Variants in EMSY observed in about 807,000 individuals in gnomAD.
EMSY encodes the protein EMSY transcriptional repressor, BRCA2 interacting.
EMSY carries 26 observed loss-of-function variants against 134.6 expected under a neutral mutation model. The ratio of observed to expected loss-of-function variants is 0.19; its 90% CI spans 0.14 to 0.27. EMSY has a LOEUF of 0.27. Among genes scored for constraint, EMSY ranks in the 10% least tolerant of loss-of-function variants. The pLI, the probability that EMSY is intolerant of heterozygous loss-of-function variation, is 1.00. For synonymous variants in EMSY, 579 were observed against 577.8 expected (o/e 1.00, Z -0.03); for missense variants, 1,305 against 1,611.4 (o/e 0.81, Z 3.26).
chr11:76,473,737 C>T (rs1590830949), intron 8 of EMSY, among the ~76,000 whole-genome samples: 1 of 152,204 alleles, frequency 6.6e-6, no homozygotes, highest in East Asian at 1.9e-4. Context: ...CGCCTGTAAT[C>T]CCAGCACTTT....
At chr11:76,469,313 G>A (rs1283676096) in intron 7 of EMSY, among the ~76,000 whole-genome samples, 1 of 152,164 alleles carries the variant, frequency 6.6e-6, no homozygotes, top group Admixed American at 6.5e-5. Context: ...GGGCCTCAAA[G>A]TCCTTATAAG....
At chr11:76,550,601 A>G (rs1054952339) in exon 21 of EMSY, 3 of 152,660 alleles carry the variant, frequency 2.0e-5, no homozygotes, top group African/African-American at 7.2e-5. Context: ...GGAAGTGTTG[A>G]ATTGGTTAAA....
In EMSY at chr11:76,520,396, G is replaced by T. The variant is rs867582452; in HGVS notation, c.1685-2759G>T. Among the ~76,000 whole-genome samples, 11 of 152,070 alleles carry T rather than the reference G, an allele frequency of 7.2e-5. No individual in the cohort carries two copies. In the Middle Eastern group the frequency reaches 0.01, roughly 141 times the overall value. On this transcript the variant is annotated intron_variant, in intron 11 of 20. Transcript: ENST00000334736. ...TGTCAAAAAGTGGTCCTTGTACTTT[G>T]GTATAAAGTCAAAAGCATAGTAAAT...
intron 11 of EMSY, among the ~76,000 whole-genome samples, chr11:76,518,703 A>ATATATATTTTTT (rs57143914): frequency 4.0e-4 from 52 of 130,200 alleles, no homozygotes; most frequent in African/African-American, 1.1e-3. Context: ...ATATATATAT[A>ATATATATTTTTT]TTTTTTTTTT....
intron 3 of EMSY, among the ~76,000 whole-genome samples, 160 bp from the exon 4 acceptor site, chr11:76,453,154 A>G (rs1947734594): frequency 6.6e-6 from 1 of 152,228 alleles, no homozygotes; most frequent in Non-Finnish European, 1.5e-5. Context: ...CTAAGATGTT[A>G]AAGCATTTGA....
intron 18 of EMSY, among the ~76,000 whole-genome samples, chr11:76,543,662 G>A (rs1410926839): frequency 6.6e-6 from 1 of 152,218 alleles, no homozygotes; most frequent in Non-Finnish European, 1.5e-5. Flanking sequence ...CGTCCTGGGA[G>A]CCAGGGCTCT....
At chr11:76,536,135 ATTAT>A in intron 15 of EMSY, 76 bp downstream of exon 16, 1 of 897,390 alleles carries the variant, frequency 1.1e-6, no homozygotes. Flanking sequence ...TACCACTGTT[ATTAT>A]TTATTATTAC....
intron 4 of EMSY, 61 bp from the exon 5 acceptor site, chr11:76,454,688 C>T: frequency 1.8e-6 from 2 of 1,112,102 alleles, no homozygotes; most frequent in Non-Finnish European, 2.5e-6. Flanking sequence ...GTTGATGCAT[C>T]AGTTTCATAC....
chr11:76,514,730 C>G (rs565835622), intron 10 of EMSY, among the ~76,000 whole-genome samples: 232 of 152,322 alleles, frequency 1.5e-3, no homozygotes, highest in Non-Finnish European at 2.6e-3. Flanking sequence ...ACTCTGTGTT[C>G]ATTCAACAAT....
At chr11:76,485,740 G>A (rs1434898274) in intron 8 of EMSY, among the ~76,000 whole-genome samples, 11 of 152,144 alleles carry the variant, frequency 7.2e-5, no homozygotes, top group Non-Finnish European at 1.3e-4. Context: ...TCAATAAAGG[G>A]TATTCAAATA....
At chr11:76,460,156 G>A in intron 6 of EMSY, 71 bp downstream of exon 7, 2 of 1,518,488 alleles carry the variant, frequency 1.3e-6, no homozygotes, top group Non-Finnish European at 1.8e-6. Context: ...GATTAGACCT[G>A]CCTTCCTGGA....
At chr11:76,518,939 C>T (rs911550514) in intron 11 of EMSY, among the ~76,000 whole-genome samples, 1 of 150,900 alleles carries the variant, frequency 6.6e-6, no homozygotes, top group Non-Finnish European at 1.5e-5. Flanking sequence ...TTGTGGAATT[C>T]TTACTTCCTC....
chr11:76,546,089 C>T (rs1951637747), exon 20 of EMSY: 1 of 1,614,028 alleles, frequency 6.2e-7, no homozygotes, highest in Non-Finnish European at 8.5e-7. Context: ...TCATTACCCT[C>T]CACCCACATG....
downstream of EMSY, chr11:76,552,574 G>T (rs1331270639): frequency 6.6e-6 from 1 of 152,140 alleles, no homozygotes; most frequent in African/African-American, 2.4e-5. Context: ...TTGGCTTAAA[G>T]TAAACTTTAA....
intron 14 of EMSY, among the ~76,000 whole-genome samples, chr11:76,533,701 A>C (rs182233638): frequency 8.5e-5 from 13 of 152,258 alleles, no homozygotes; most frequent in Admixed American, 7.8e-4. Context: ...GTATATCTCT[A>C]GTATCTAACG....
At chr11:76,447,664 C>CA (rs2134695534) in intron 2 of EMSY, among the ~76,000 whole-genome samples, 1 of 152,258 alleles carries the variant, frequency 6.6e-6, no homozygotes, top group South Asian at 2.1e-4. Context: ...CTAAGGTATC[C>CA]ATTGTATGTA....
chr11:76,456,911 A>G (rs567466633), intron 4 of EMSY, among the ~76,000 whole-genome samples: 2 of 152,300 alleles, frequency 1.3e-5, no homozygotes, highest in South Asian at 2.1e-4. Flanking sequence ...GAAAAATTTT[A>G]TACTTTCTAC....
chr11:76,483,266 A>G (rs1280959447), intron 8 of EMSY, among the ~76,000 whole-genome samples: 1 of 152,188 alleles, frequency 6.6e-6, no homozygotes, highest in Non-Finnish European at 1.5e-5. Context: ...CTAAACATGG[A>G]AAGGAAAAAC....
intron 9 of EMSY, among the ~76,000 whole-genome samples, chr11:76,510,222 A>G (rs1815831595): frequency 6.6e-6 from 1 of 152,200 alleles, no homozygotes; most frequent in African/African-American, 2.4e-5. Context: ...GTGTGGTGGC[A>G]TATGCTTGTA....
Sources: gnomAD v4.1 joint callset for allele counts (sites outside exome capture counted in the v4.1 genomes callset) on GRCh38, gnomAD v4.1.1 for gene constraint, MANE v1.5 for transcripts, NCBI Gene and HGNC (gene_info 2026-07-23, HGNC 2026-07-21) for gene names.